The following CHRNA4 variants were observed in gnomAD, a reference collection of about 807,000 sequenced individuals.
CHRNA4 encodes the protein cholinergic receptor nicotinic alpha 4 subunit, also known as neuronal acetylcholine receptor subunit alpha-4.
CHRNA4 carries 28 observed loss-of-function variants against 48.9 expected under a neutral mutation model. The observed-to-expected ratio is 0.57, with a 90% CI of 0.42 to 0.79. The LOEUF is 0.79. Among genes scored for constraint, CHRNA4 ranks in the 30% least tolerant of loss-of-function variants. The probability of loss-of-function intolerance (pLI) is 0.00; values close to 1 mark genes in which losing one functional copy is unlikely to be tolerated. For missense variants in CHRNA4, 859 were observed against 898.4 expected (o/e 0.96, Z 0.56); for synonymous variants, 425 against 402.3 (o/e 1.06, Z -0.68).
intron 3 of CHRNA4, 48 bp from the exon 4 acceptor site, chr20:63,356,132 G>T (rs2068714522): frequency 1.5e-6 from 1 of 653,550 alleles, no homozygotes. Context: ...GGGTGTGGGG[G>T]AGGGCAGGGG....
At chr20:63,360,003 G>A (rs1175233893) in intron 1 of CHRNA4, 7 of 399,876 alleles carry the variant, frequency 1.8e-5, no homozygotes, top group Non-Finnish European at 3.3e-5. Context: ...TGATTTCCTC[G>A]GGGAAGCTTC....
At chr20:63,355,747 C>T in intron 4 of CHRNA4, 1 of 802,104 alleles carries the variant, frequency 1.2e-6, no homozygotes, top group Non-Finnish European at 1.9e-6. Context: ...GGGATGCCCT[C>T]AGCCTCTTTG....
At chr20:63,356,106 G>T in intron 3 of CHRNA4, 22 bp from the exon 4 acceptor site, 2 of 1,476,120 alleles carry the variant, frequency 1.4e-6, no homozygotes, top group Non-Finnish European at 1.8e-6. Flanking sequence ...GGGGCGGGGG[G>T]AGGCTGCAGG....
In CHRNA4 at chr20:63,344,049, A is replaced by G. The variant is rs2068445237; in HGVS notation, c.*2689T>C. The G allele has an allele frequency of 2.2e-6, 1 of 454,172 alleles. No individual in the cohort carries two copies. The highest frequency in any genetic ancestry group is 4.4e-6 in the Non-Finnish European group (1 of 226,788). 28.1% of individuals were successfully genotyped at this position (454,172 alleles called of 1,614,324 possible). Reference sequence around the variant, plus strand: ...CCATTCCTAATCACCGACAGCTGCAAGCAAAGTCCACTAACAGGTGATGGA... The same window carrying G: ...CCATTCCTAATCACCGACAGCTGCAGGCAAAGTCCACTAACAGGTGATGGA... On this transcript the variant is annotated 3_prime_UTR_variant, in exon 6 of 6. Coordinates refer to ENST00000370263, the MANE Select transcript of CHRNA4 (RefSeq NM_000744.7). The surrounding 1 kb of genome is among the most constrained non-coding windows in gnomAD (Gnocchi z 4.5).
chr20:63,359,069 T>C (rs6011787), intron 2 of CHRNA4, among the ~76,000 whole-genome samples: 152,273 of 152,274 alleles, frequency 1, 76,136 homozygotes, highest in Middle Eastern at 1. Context: ...ACAAACAGAC[T>C]TCGCCCAAGA....
rs1023570380 is a variant in CHRNA4, at chr20:63,344,074, A to G, written c.*2664T>C. 2.2e-6 allele frequency: 1 copy of G among 454,048 alleles called. No individual in the cohort carries two copies. The allele number at this position is 454,048 out of a possible 1,614,324, so 28.1% of individuals were successfully genotyped here. ...AGCAAAGTCCACTAACAGGTGATGG[A>G]CAAACTGCGTCTTAGTTTATTCAGA... On this transcript the variant is annotated 3_prime_UTR_variant, in exon 6 of 6. Coordinates refer to ENST00000370263, the MANE Select transcript of CHRNA4 (RefSeq NM_000744.7). This position sits in a 1 kb window ranked among gnomAD's most constrained non-coding sequence, Gnocchi z 4.5.
At chr20:63,357,318 C>T (rs1053065310) in intron 2 of CHRNA4, among the ~76,000 whole-genome samples, 3 of 152,066 alleles carry the variant, frequency 2.0e-5, no homozygotes, top group Non-Finnish European at 4.4e-5. Flanking sequence ...GACCTCATCC[C>T]GTGTGTCTGA....
intron 4 of CHRNA4, among the ~76,000 whole-genome samples, chr20:63,352,599 C>T (rs1217157509): frequency 1.3e-5 from 2 of 152,202 alleles, no homozygotes; most frequent in African/African-American, 4.8e-5. Context: ...AAGTTTGCTC[C>T]CTCTCCCCAG....
At chr20:63,354,260 TG>T (rs1209224207) in intron 4 of CHRNA4, among the ~76,000 whole-genome samples, 4 of 58,170 alleles carry the variant, frequency 6.9e-5, no homozygotes, top group Non-Finnish European at 9.0e-5. Context: ...GCTGTGGTCC[TG>T]GGGGGCTGTA....
chr20:63,346,702 C>G lies in CHRNA4; in HGVS notation c.*36G>C, dbSNP rs202195882. 1 of 1,587,836 alleles carries G rather than the reference C, an allele frequency of 6.3e-7. No homozygotes were observed. Among genetic ancestry groups the G allele is most frequent in the Non-Finnish European group, 8.5e-7 (1 of 1,171,962 alleles). ...GCCGCATGGATGCTGGCCCCGTGCA[C>G]GGCAGCCCCAGGCCACGCAGGCTCC... On this transcript the variant is annotated 3_prime_UTR_variant, in exon 6 of 6. Transcript: ENST00000370263.
intron 4 of CHRNA4, among the ~76,000 whole-genome samples, chr20:63,351,369 G>C (rs2068613203): frequency 6.6e-6 from 1 of 152,216 alleles, no homozygotes. Context: ...TATCATCCCT[G>C]AGCTGGGCGT....
In CHRNA4 at chr20:63,344,940, C is replaced by T. The variant is rs997758370; in HGVS notation, c.*1798G>A. ...GGCTGGGGATGCCCAGGATTTGGCA[C>T]GGGGGTCTCTGTGTCCCACCCACTC... is the stretch of plus-strand genomic sequence containing the variant. On this transcript the variant is annotated 3_prime_UTR_variant, in exon 6 of 6. Transcript: ENST00000370263. The surrounding 1 kb of genome is among the most constrained non-coding windows in gnomAD (Gnocchi z 4.5). The T allele has an allele frequency of 1.5e-5, 6 of 404,714 alleles. No homozygotes were observed. The highest frequency in any genetic ancestry group is 6.1e-5 in the African/African-American group (3 of 48,962). 25.1% of individuals were successfully genotyped at this position (404,714 alleles called of 1,614,324 possible).
Position 63,359,531 on chromosome 20 carries a change from GC to G in CHRNA4, c.228+16del. On this transcript the variant is annotated intron_variant, in intron 2 of 5. Coordinates refer to ENST00000370263, the MANE Select transcript of CHRNA4 (RefSeq NM_000744.7). Reference sequence around the variant, plus strand: ...GCGACCTCAGTCACAGTGCACGATGGCCACGCCCTCACCTACCACGTCAATG... The same window carrying G: ...GCGACCTCAGTCACAGTGCACGATGGCACGCCCTCACCTACCACGTCAATG... 6.2e-7 allele frequency: 1 copy of G among 1,612,544 alleles called. No homozygotes were observed. The highest frequency in any genetic ancestry group is 8.5e-7 in the Non-Finnish European group (1 of 1,179,860).
At chr20:63,352,552 G>A (rs756986926) in intron 4 of CHRNA4, among the ~76,000 whole-genome samples, 2 of 152,198 alleles carry the variant, frequency 1.3e-5, no homozygotes, top group Non-Finnish European at 2.9e-5. Flanking sequence ...GGGGGGCGGG[G>A]CTTTACCACC....
chr20:63,345,126 C>G lies in CHRNA4; in HGVS notation c.*1612G>C. The G allele has an allele frequency of 2.2e-6, 1 of 454,042 alleles. No homozygotes were observed. The allele number at this position is 454,042 out of a possible 1,614,324, so 28.1% of individuals were successfully genotyped here. A position where few individuals can be genotyped will look rare whatever the true frequency, so the allele number is the denominator to read the frequency against. On this transcript the variant is annotated 3_prime_UTR_variant, in exon 6 of 6. Transcript: ENST00000370263. This position sits in a 1 kb window ranked among gnomAD's most constrained non-coding sequence, Gnocchi z 5.4. ...ACAGCGGCATTTCTGGGGCACTCGGCATGCCGGGTTCCTAACCTCAATTAT... is the reference window on the plus strand; with the variant it reads ...ACAGCGGCATTTCTGGGGCACTCGGGATGCCGGGTTCCTAACCTCAATTAT...
rs1291568601 is a variant in CHRNA4 at position 63,343,910 on chromosome 20, G to A, written c.*2828C>T. The A allele has an allele frequency of 2.2e-6, 1 of 454,168 alleles. No homozygotes were observed. Among genetic ancestry groups the A allele is most frequent in the South Asian group, 1.6e-5 (1 of 64,480 alleles). The allele number at this position is 454,168 out of a possible 1,614,324, so 28.1% of individuals were successfully genotyped here. Reference sequence around the variant, plus strand: ...GTTCTAGGCAAGCTGTCCACCCCCGGGAACTAACTGGCCCTAGGAGGAGCA... The same window carrying A: ...GTTCTAGGCAAGCTGTCCACCCCCGAGAACTAACTGGCCCTAGGAGGAGCA... On this transcript the variant is annotated 3_prime_UTR_variant, in exon 6 of 6. Transcript: ENST00000370263.
Position 63,359,887 on chromosome 20 carries a change from C to CGCA in CHRNA4, c.77-189_77-188insTGC, listed in dbSNP as rs2068783216. The CGCA allele has an allele frequency of 3.8e-5, 19 of 494,118 alleles. No individual in the cohort carries two copies. In the African/African-American group the frequency reaches 4.9e-4, roughly 13 times the overall value. 30.6% of individuals were successfully genotyped at this position (494,118 alleles called of 1,614,324 possible). On this transcript the variant is annotated intron_variant, in intron 1 of 5. Transcript: ENST00000370263. ...GTGCGCTCTGTGTGTGTGTGTGTGC[C>CGCA]GGGCGTGTGCTGTGTGTGTGTGTGT...
chr20:63,345,827 C>G lies in CHRNA4; in HGVS notation c.*911G>C, dbSNP rs1291560360. ...GGAAACCCTCAGGGTCCTGGGGGAA[C>G]CAGGGCCCAGGTCTGGACTCCATTC... On this transcript the variant is annotated 3_prime_UTR_variant, in exon 6 of 6. Coordinates refer to ENST00000370263, the MANE Select transcript of CHRNA4 (RefSeq NM_000744.7). The surrounding 1 kb of genome is among the most constrained non-coding windows in gnomAD (Gnocchi z 5.4). 1 of 449,160 alleles carries G rather than the reference C, an allele frequency of 2.2e-6. No homozygotes were observed. Among genetic ancestry groups the G allele is most frequent in the Admixed American group, 2.4e-5 (1 of 42,362 alleles). 27.8% of individuals were successfully genotyped at this position (449,160 alleles called of 1,614,324 possible). A position where few individuals can be genotyped will look rare whatever the true frequency, so the allele number is the denominator to read the frequency against.
At position 63,343,551 on chromosome 20, in the gene CHRNA4, G is replaced by C. The variant is rs984007109; in HGVS notation, c.*3187C>G. 1 of 453,994 alleles carries C rather than the reference G, an allele frequency of 2.2e-6. No individual in the cohort carries two copies. Among genetic ancestry groups the C allele is most frequent in the Non-Finnish European group, 4.4e-6 (1 of 226,764 alleles). 28.1% of individuals were successfully genotyped at this position (453,994 alleles called of 1,614,324 possible). ...CTGGGCCCGGCCTTAACTTACAAGG[G>C]AGCCTGAGTGACAACTCCGGAGGCC... is the stretch of plus-strand genomic sequence containing the variant. On this transcript the variant is annotated 3_prime_UTR_variant, in exon 6 of 6. Coordinates refer to ENST00000370263, the MANE Select transcript of CHRNA4 (RefSeq NM_000744.7).
Sources: allele counts gnomAD v4.1 joint callset (sites outside exome capture counted in the v4.1 genomes callset), GRCh38; gene constraint gnomAD v4.1.1; non-coding constraint Gnocchi (gnomAD v3.1); transcripts MANE v1.5; gene names NCBI Gene and HGNC (gene_info 2026-07-23, HGNC 2026-07-21).